Variants in LRRC4C observed in about 807,000 individuals in gnomAD.
The protein encoded by LRRC4C is leucine rich repeat containing 4C.
A neutral mutation model predicts 33.6 loss-of-function variants in LRRC4C; 5 were observed. That is an observed-to-expected ratio of 0.15 (90% confidence interval 0.08 to 0.31). The LOEUF (loss-of-function observed/expected upper bound fraction) is 0.31. Among genes scored for constraint, LRRC4C ranks in the 10% least tolerant of loss-of-function variants. The pLI is 1.00. For synonymous variants in LRRC4C, 329 were observed against 302.0 expected (o/e 1.09, Z -0.93); for missense variants, 560 against 796.7 (o/e 0.70, Z 3.58).
intron 5 of LRRC4C, among the ~76,000 whole-genome samples, chr11:40,224,203 A>G (rs1372298669): frequency 2.0e-5 from 3 of 152,356 alleles, no homozygotes; most frequent in Non-Finnish European, 4.4e-5. Context: ...GAGGCTGTCA[A>G]ATACTCAATA....
chr11:40,764,375 T>C (rs1949356051), intron 2 of LRRC4C, among the ~76,000 whole-genome samples: 1 of 151,576 alleles, frequency 6.6e-6, no homozygotes, highest in Non-Finnish European at 1.5e-5. Context: ...AAAGATTCCT[T>C]CTTGAGTACA....
chr11:40,959,784 T>C (rs355231), intron 1 of LRRC4C, among the ~76,000 whole-genome samples: 123,766 of 151,614 alleles, frequency 0.82, 50,870 homozygotes, highest in Non-Finnish European at 0.86. Flanking sequence ...TTAAGCACAT[T>C]TGCTCAGTGA....
At chr11:41,082,475 C>T (rs1364481621) in intron 1 of LRRC4C, among the ~76,000 whole-genome samples, 1 of 138,300 alleles carries the variant, frequency 7.2e-6, no homozygotes, top group Admixed American at 7.7e-5. Flanking sequence ...CTTAGAGTTC[C>T]TCTTATTGAG....
At chr11:40,401,479 GC>G (rs1949756805) in intron 3 of LRRC4C, among the ~76,000 whole-genome samples, 1 of 152,074 alleles carries the variant, frequency 6.6e-6, no homozygotes, top group South Asian at 2.1e-4. Flanking sequence ...TTGGTAATTG[GC>G]CTTGTTGACA....
chr11:40,954,314 C>G (rs1269573435), intron 1 of LRRC4C, among the ~76,000 whole-genome samples: 1 of 151,828 alleles, frequency 6.6e-6, no homozygotes, highest in African/African-American at 2.4e-5. Context: ...GAAACCTCTC[C>G]TGATAACTAG....
At chr11:41,086,871 G>A (rs1940031623) in intron 1 of LRRC4C, among the ~76,000 whole-genome samples, 1 of 151,386 alleles carries the variant, frequency 6.6e-6, no homozygotes, top group Non-Finnish European at 1.5e-5. Context: ...TAAGTCTGCA[G>A]GGAAATAGAT....
intron 6 of LRRC4C, among the ~76,000 whole-genome samples, chr11:40,122,303 T>C (rs1416077393): frequency 2.0e-5 from 3 of 152,106 alleles, no homozygotes; most frequent in African/African-American, 7.2e-5. Context: ...TGCAGGTTTG[T>C]TACATAGGTT....
intron 3 of LRRC4C, among the ~76,000 whole-genome samples, chr11:40,405,142 T>TA (rs1949913387): frequency 7.3e-6 from 1 of 137,040 alleles, no homozygotes; most frequent in African/African-American, 3.0e-5. Flanking sequence ...ATATTTGAAC[T>TA]TTTTTTTTTT....
chr11:41,173,738 T>C (rs1270035660), intron 1 of LRRC4C, among the ~76,000 whole-genome samples: 1 of 152,134 alleles, frequency 6.6e-6, no homozygotes, highest in Non-Finnish European at 1.5e-5. Context: ...TGCCACCCCA[T>C]CTGCCTGGAG....
At position 40,990,238 on chromosome 11, in the gene LRRC4C, T is replaced by G. The variant is rs1258504707; in HGVS notation, c.-495-56515A>C. Among the ~76,000 whole-genome samples, 657 of 66,792 alleles carry G rather than the reference T, an allele frequency of 9.8e-3. 17 individuals carry two copies. Among genetic ancestry groups the G allele is most frequent in the African/African-American group, 0.041 (634 of 15,410 alleles). 43.8% of individuals were successfully genotyped at this position (66,792 alleles called of 152,430 possible). ...TGAATAGTATGTCAAGTTTTATATA[T>G]ATATATATATATATATATATATATA... On this transcript the variant is annotated intron_variant, in intron 1 of 6. Transcript: ENST00000528697.
chr11:40,775,852 C>A (rs1949971256), intron 2 of LRRC4C, among the ~76,000 whole-genome samples: 1 of 152,108 alleles, frequency 6.6e-6, no homozygotes, highest in African/African-American at 2.4e-5. Context: ...TTATCTTGTA[C>A]CCATTCTTAA....
intron 2 of LRRC4C, among the ~76,000 whole-genome samples, chr11:40,696,433 T>G (rs77754868): frequency 0.14 from 20,780 of 147,722 alleles, 1,578 homozygotes; most frequent in African/African-American, 0.2. Context: ...GGAGGTTATA[T>G]ATATACATAT....
At chr11:40,994,404 T>C (rs189694955) in intron 1 of LRRC4C, among the ~76,000 whole-genome samples, 13 of 152,222 alleles carry the variant, frequency 8.5e-5, no homozygotes, top group Admixed American at 3.9e-4. Context: ...CTGTAGCTAA[T>C]GGGGGATGTG....
intron 1 of LRRC4C, among the ~76,000 whole-genome samples, chr11:40,948,445 C>A (rs1045360262): frequency 2.7e-5 from 4 of 150,614 alleles, no homozygotes; most frequent in South Asian, 4.2e-4. Flanking sequence ...TATACATGTG[C>A]CATGCTGGTG....
At chr11:40,426,865 T>C (rs2137804895) in intron 3 of LRRC4C, among the ~76,000 whole-genome samples, 1 of 152,350 alleles carries the variant, frequency 6.6e-6, no homozygotes, top group South Asian at 2.1e-4. Context: ...GTTTCCGACC[T>C]GTACTGACTC....
chr11:41,004,991 C>CATCATT (rs374955565), intron 1 of LRRC4C, among the ~76,000 whole-genome samples: 1 of 104,812 alleles, frequency 9.5e-6, no homozygotes, highest in Non-Finnish European at 2.1e-5. Flanking sequence ...TTATAACTTT[C>CATCATT]ATTATTATTA....
chr11:40,844,107 A>G (rs1489120865), intron 2 of LRRC4C, among the ~76,000 whole-genome samples: 1 of 152,160 alleles, frequency 6.6e-6, no homozygotes, highest in Non-Finnish European at 1.5e-5. Context: ...TGGAAAATAA[A>G]TATGGGATGT....
At chr11:41,263,999 C>A (rs2136762490) in intron 1 of LRRC4C, among the ~76,000 whole-genome samples, 2 of 152,122 alleles carry the variant, frequency 1.3e-5, no homozygotes, top group East Asian at 3.9e-4. Flanking sequence ...CAGAATCAAT[C>A]TACTTGATAC....
chr11:40,746,673 A>T lies in LRRC4C; in HGVS notation c.-406-98395T>A, dbSNP rs558465186. ...AAAAGCCTAAATGACCAGGCTATGT[A>T]TGCTCCATCCCAGGCCATACAATCA... On this transcript the variant is annotated intron_variant, in intron 2 of 6. Coordinates refer to ENST00000528697, the MANE Select transcript of LRRC4C (RefSeq NM_001258419.2). Among the ~76,000 whole-genome samples, 30 of 152,214 alleles carry T rather than the reference A, an allele frequency of 2.0e-4. No homozygotes were observed. The South Asian group carries it at 5.8e-3, about 29-fold the overall frequency.
Sources: allele counts gnomAD v4.1 joint callset (sites outside exome capture counted in the v4.1 genomes callset), GRCh38; gene constraint gnomAD v4.1.1; transcripts MANE v1.5; gene names NCBI Gene and HGNC (gene_info 2026-07-23, HGNC 2026-07-21).